Variants in DDAH1 observed in about 807,000 individuals in gnomAD.
DDAH1 encodes N(G),N(G)-dimethylarginine dimethylaminohydrolase 1.
DDAH1 carries 19 observed loss-of-function variants against 28.8 expected under a neutral mutation model. The observed-to-expected ratio is 0.66, with a 90% CI of 0.46 to 0.97. The LOEUF (loss-of-function observed/expected upper bound fraction) is 0.97. DDAH1 is among the 50% of genes least tolerant of loss of function. The pLI is 0.00. For synonymous variants in DDAH1, 153 were observed against 154.4 expected (o/e 0.99, Z 0.07); for missense variants, 326 against 375.9 (o/e 0.87, Z 1.10).
At chr1:85,471,837 T>G (rs1164988379) in intron 2 of DDAH1, among the ~76,000 whole-genome samples, 1 of 152,234 alleles carries the variant, frequency 6.6e-6, no homozygotes, top group Non-Finnish European at 1.5e-5. Flanking sequence ...CCTCCTCCTG[T>G]GCAAGCAACA....
intron 1 of DDAH1, among the ~76,000 whole-genome samples, chr1:85,390,389 A>G (rs942056604): frequency 9.2e-5 from 14 of 152,188 alleles, no homozygotes; most frequent in African/African-American, 3.4e-4. Context: ...AAGACATTCT[A>G]CAGCGTATGT....
At chr1:85,421,621 C>T (rs892146869) in intron 1 of DDAH1, among the ~76,000 whole-genome samples, 1 of 152,164 alleles carries the variant, frequency 6.6e-6, no homozygotes, top group Admixed American at 6.5e-5. Flanking sequence ...CCTTCTCTCT[C>T]CCTGAGCCCC....
chr1:85,499,043 CA>C (rs1656700807), intron 1 of DDAH1, among the ~76,000 whole-genome samples: 1 of 151,878 alleles, frequency 6.6e-6, no homozygotes, highest in African/African-American at 2.4e-5. Flanking sequence ...AAATAAATAG[CA>C]AAATAGTAGC....
At chr1:85,422,008 A>G (rs1425731334) in intron 1 of DDAH1, among the ~76,000 whole-genome samples, 2 of 152,216 alleles carry the variant, frequency 1.3e-5, no homozygotes, top group Non-Finnish European at 2.9e-5. Flanking sequence ...GAAAGAAACT[A>G]CCAAAATGGC....
At chr1:85,501,813 T>C (rs1656832717) in intron 1 of DDAH1, among the ~76,000 whole-genome samples, 1 of 152,232 alleles carries the variant, frequency 6.6e-6, no homozygotes, top group Non-Finnish European at 1.5e-5. Flanking sequence ...GCAAGAGGGC[T>C]GGTACTAGTA....
At chr1:85,414,208 A>G (rs1333140230) in intron 1 of DDAH1, among the ~76,000 whole-genome samples, 2 of 151,590 alleles carry the variant, frequency 1.3e-5, no homozygotes, top group Non-Finnish European at 1.5e-5. Context: ...ATAGCTCACA[A>G]CAAAGAGAGC....
At chr1:85,463,071 G>A (rs1655198023) in intron 1 of DDAH1, among the ~76,000 whole-genome samples, 1 of 152,216 alleles carries the variant, frequency 6.6e-6, no homozygotes, top group Non-Finnish European at 1.5e-5. Context: ...ACTCCCTAAA[G>A]GTCACAGAAT....
Position 85,464,493 on chromosome 1 carries a change from C to CACCT in DDAH1, c.303+246_303+249dup. 1.3e-6 allele frequency: 2 copies of CACCT among 1,525,580 alleles called. No homozygotes were observed. Among genetic ancestry groups the CACCT allele is most frequent in the South Asian group, 2.4e-5 (2 of 83,148 alleles). The allele number at this position is 1,525,580 out of a possible 1,614,324, so 94.5% of individuals were successfully genotyped here. Reference sequence around the variant, plus strand: ...CGTGAGACGGAATCCCCCGCCCACCCACCTGCCCGAGACCGTACAACCACA... The same window carrying CACCT: ...CGTGAGACGGAATCCCCCGCCCACCCACCTACCTGCCCGAGACCGTACAACCACA... On this transcript the variant is annotated intron_variant, in intron 1 of 5. Transcript: ENST00000284031. The surrounding 1 kb of genome is among the most constrained non-coding windows in gnomAD (Gnocchi z 4.4).
chr1:85,374,067 G>A (rs1300675386), intron 1 of DDAH1, among the ~76,000 whole-genome samples: 4 of 152,064 alleles, frequency 2.6e-5, no homozygotes, highest in African/African-American at 4.8e-5. Context: ...GCTTGTCAGT[G>A]CGTACTTTCC....
At chr1:85,343,720 T>C (rs1446917094) in intron 4 of DDAH1, among the ~76,000 whole-genome samples, 1 of 152,258 alleles carries the variant, frequency 6.6e-6, no homozygotes, top group East Asian at 1.9e-4. Flanking sequence ...CATTCTGTCT[T>C]TTGGGTTTTG....
chr1:85,410,856 A>G (rs1652622514), intron 1 of DDAH1, among the ~76,000 whole-genome samples: 2 of 152,244 alleles, frequency 1.3e-5, no homozygotes, highest in South Asian at 4.1e-4. Flanking sequence ...CAAAGTATAC[A>G]AGCCAATGAG....
intron 1 of DDAH1, among the ~76,000 whole-genome samples, chr1:85,559,268 C>G (rs1312757229): frequency 6.6e-6 from 1 of 152,126 alleles, no homozygotes; most frequent in African/African-American, 2.4e-5. Flanking sequence ...AGTAGTAGGA[C>G]TGAACTATCT....
intron 1 of DDAH1, among the ~76,000 whole-genome samples, chr1:85,461,526 GAGA>G (rs528255099): frequency 1.0e-3 from 152 of 152,276 alleles, no homozygotes; most frequent in African/African-American, 3.6e-3. Flanking sequence ...CAGGGAAAGG[GAGA>G]AGAAGAAACA....
At chr1:85,561,602 G>C (rs1484742510) in intron 1 of DDAH1, among the ~76,000 whole-genome samples, 1 of 151,950 alleles carries the variant, frequency 6.6e-6, no homozygotes, top group African/African-American at 2.4e-5. Context: ...GTATTATATT[G>C]TGTTAAGTAC....
chr1:85,459,175 T>A (rs1175080175), intron 1 of DDAH1, among the ~76,000 whole-genome samples: 1 of 152,228 alleles, frequency 6.6e-6, no homozygotes, highest in Non-Finnish European at 1.5e-5. Flanking sequence ...CTACCATTAT[T>A]ATAATAAAAA....
intron 5 of DDAH1, among the ~76,000 whole-genome samples, chr1:85,323,705 T>TGG (rs1661446176): frequency 6.6e-6 from 1 of 152,140 alleles, no homozygotes; most frequent in Non-Finnish European, 1.5e-5. Flanking sequence ...TGGCCAGGTG[T>TGG]GGTGGCTCAT....
At chr1:85,544,893 A>G (rs1416748927) in intron 1 of DDAH1, among the ~76,000 whole-genome samples, 1 of 152,042 alleles carries the variant, frequency 6.6e-6, no homozygotes, top group Non-Finnish European at 1.5e-5. Context: ...ACCCTGTCAC[A>G]CCCGCACAGA....
At chr1:85,503,745 A>T (rs2100742395) in intron 1 of DDAH1, among the ~76,000 whole-genome samples, 1 of 152,310 alleles carries the variant, frequency 6.6e-6, no homozygotes. Flanking sequence ...AAGTGATGAG[A>T]AGAAAATAAA....
chr1:85,422,057 TATCCTTGCCAAGCG>T (rs1217268095), intron 1 of DDAH1, among the ~76,000 whole-genome samples: 2 of 151,642 alleles, frequency 1.3e-5, no homozygotes, highest in African/African-American at 4.9e-5. Flanking sequence ...TATTGTTCTG[TATCCTTGCCAAGCG>T]ATTGATATTG....
Sources: gnomAD v4.1 joint callset for allele counts (sites outside exome capture counted in the v4.1 genomes callset) on GRCh38, gnomAD v4.1.1 for gene constraint, Gnocchi (gnomAD v3.1) non-coding constraint, MANE v1.5 for transcripts, NCBI Gene and HGNC (gene_info 2026-07-23, HGNC 2026-07-21) for gene names.